The following RDX variants were observed in gnomAD, a reference collection of about 807,000 sequenced individuals.
RDX encodes the protein deafness, autosomal recessive 24.
RDX carries 32 observed loss-of-function variants against 83.7 expected under a neutral mutation model. That is an observed-to-expected ratio of 0.38 (90% CI 0.29 to 0.51). RDX has a LOEUF of 0.51. Ranked by LOEUF, RDX falls within the 20% of genes least tolerant of loss-of-function variation. The pLI, the probability that RDX is intolerant of heterozygous loss-of-function variation, is 0.87. For missense variants in RDX, 600 were observed against 689.9 expected, an observed-to-expected ratio of 0.87 and a Z score of 1.46; for synonymous variants, 229 against 222.7, an observed-to-expected ratio of 1.03 and a Z score of -0.25.
At chr11:110,225,545 A>C (rs964668341), downstream of RDX, among the ~76,000 whole-genome samples, 4 of 152,242 alleles carry the variant, frequency 2.6e-5, no homozygotes, top group Non-Finnish European at 5.9e-5. Context: ...TCAAAGGAAA[A>C]TGCAAGTCAA....
intron 14 of RDX, chr11:110,200,262 A>C (rs1298384480): frequency 3.3e-5 from 5 of 153,302 alleles, no homozygotes; most frequent in East Asian, 1.9e-4. Flanking sequence ...TAAGACAAAC[A>C]AACCATGAAA....
chr11:110,233,142 T>C, intron 13 of RDX, 95 bp downstream of exon 13: 1 of 1,487,714 alleles, frequency 6.7e-7, no homozygotes, highest in Non-Finnish European at 9.3e-7. Flanking sequence ...GCAGCCAGTA[T>C]TAAAACTTCT....
downstream of RDX, among the ~76,000 whole-genome samples, chr11:110,227,805 C>A (rs372968284): frequency 6.6e-6 from 1 of 152,000 alleles, no homozygotes; most frequent in African/African-American, 2.4e-5. Context: ...ATCTCCACAG[C>A]CAAAACATAA....
intron 1 of RDX, among the ~76,000 whole-genome samples, 173 bp from the exon 2 acceptor site, chr11:110,279,929 A>C (rs1168733654): frequency 1.3e-5 from 2 of 152,262 alleles, no homozygotes; most frequent in South Asian, 2.1e-4. Flanking sequence ...TTCCCTAAGA[A>C]GACTGAAATC....
chr11:110,260,175 G>A (rs1167352706), intron 5 of RDX, among the ~76,000 whole-genome samples: 2 of 151,672 alleles, frequency 1.3e-5, no homozygotes, highest in African/African-American at 2.4e-5. Flanking sequence ...TAGTAGAGAC[G>A]GGGTTTCTCC....
At chr11:110,217,464 T>G (rs891212337) in intron 14 of RDX, among the ~76,000 whole-genome samples, 1 of 152,142 alleles carries the variant, frequency 6.6e-6, no homozygotes, top group Non-Finnish European at 1.5e-5. Flanking sequence ...ATGGAAGGAC[T>G]CCTCCCACCA....
rs147482750 is a variant in RDX at position 110,236,425 on chromosome 11, G to A, written c.1252-234C>T. ...ATTATTCTACAGACTAGTTAATCCT[G>A]CTTTCAGTAGCAGGAACTTAAAATG... On this transcript the variant is annotated intron_variant, in intron 11 of 13. Transcript: ENST00000645495. 920 of 411,656 alleles carry A rather than the reference G, an allele frequency of 2.2e-3. 6 individuals are homozygous for A. Among genetic ancestry groups the A allele is most frequent in the South Asian group, 4.9e-3 (129 of 26,392 alleles). The allele number at this position is 411,656 out of a possible 1,614,324, so 25.5% of individuals were successfully genotyped here.
chr11:110,225,810 G>T (rs149920074), downstream of RDX, among the ~76,000 whole-genome samples: 2 of 152,012 alleles, frequency 1.3e-5, no homozygotes, highest in African/African-American at 2.4e-5. Flanking sequence ...ACTTTGGGAG[G>T]CCAAGGCGGG....
intron 9 of RDX, 25 bp from the exon 10 acceptor site, chr11:110,247,858 T>C (rs191914858): frequency 1.3e-6 from 2 of 1,538,598 alleles, no homozygotes; most frequent in African/African-American, 2.7e-5. Context: ...CAATTGCTGT[T>C]ACAAATTAAT....
intron 14 of RDX, among the ~76,000 whole-genome samples, chr11:110,224,423 G>A (rs975724051): frequency 2.0e-5 from 3 of 152,078 alleles, no homozygotes; most frequent in African/African-American, 7.2e-5. Flanking sequence ...ACATTTTTGT[G>A]AAGATAATGG....
intron 2 of RDX, among the ~76,000 whole-genome samples, chr11:110,273,375 T>C (rs1008057017): frequency 6.6e-6 from 1 of 152,266 alleles, no homozygotes; most frequent in Non-Finnish European, 1.5e-5. Flanking sequence ...AAAGCATTTA[T>C]CTACAGTGCT....
chr11:110,235,263 C>T (rs1864799055), intron 12 of RDX, among the ~76,000 whole-genome samples: 1 of 151,994 alleles, frequency 6.6e-6, no homozygotes, highest in Admixed American at 6.6e-5. Context: ...TCCCTTGAGC[C>T]CAGGAGTTCA....
chr11:110,191,370 C>T (rs1446794556), intron 15 of RDX, among the ~76,000 whole-genome samples: 1 of 152,152 alleles, frequency 6.6e-6, no homozygotes, highest in Non-Finnish European at 1.5e-5. Context: ...TGATAAAATC[C>T]AATATCCCTT....
At chr11:110,253,606 T>A (rs1029443291) in intron 9 of RDX, among the ~76,000 whole-genome samples, 4 of 152,120 alleles carry the variant, frequency 2.6e-5, no homozygotes, top group Non-Finnish European at 4.4e-5. Context: ...CAAAGTTAAA[T>A]ATTCAGCACA....
intron 3 of RDX, among the ~76,000 whole-genome samples, chr11:110,268,995 T>C (rs917164596): frequency 1.3e-5 from 2 of 150,082 alleles, no homozygotes; most frequent in South Asian, 2.1e-4. Flanking sequence ...TTTTAATTAA[T>C]TTATTTATTT....
chr11:110,202,793 T>C (rs572286181), intron 14 of RDX, among the ~76,000 whole-genome samples: 1 of 152,004 alleles, frequency 6.6e-6, no homozygotes, highest in Non-Finnish European at 1.5e-5. Flanking sequence ...TCAACATCAT[T>C]GAGCATCAGA....
intron 15 of RDX, among the ~76,000 whole-genome samples, chr11:110,198,278 C>G (rs1204731088): frequency 7.7e-6 from 1 of 129,768 alleles, no homozygotes; most frequent in African/African-American, 2.7e-5. Flanking sequence ...GTCAAATAGT[C>G]TCTGCCAAAA....
chr11:110,246,056 C>A (rs1399451031), intron 10 of RDX, among the ~76,000 whole-genome samples: 2 of 152,134 alleles, frequency 1.3e-5, no homozygotes, highest in African/African-American at 4.8e-5. Flanking sequence ...TGCCACCACA[C>A]CTAGCTCACT....
downstream of RDX, among the ~76,000 whole-genome samples, chr11:110,227,120 C>A (rs1429311687): frequency 1.3e-5 from 2 of 151,874 alleles, no homozygotes; most frequent in Non-Finnish European, 2.9e-5. Flanking sequence ...TAGATATTCC[C>A]TTATGATTCT....
Sources: gnomAD v4.1 joint callset for allele counts (sites outside exome capture counted in the v4.1 genomes callset) on GRCh38, gnomAD v4.1.1 for gene constraint, MANE v1.5 for transcripts, NCBI Gene and HGNC (gene_info 2026-07-23, HGNC 2026-07-21) for gene names.